Variants in SUGCT observed in about 807,000 individuals in gnomAD.
SUGCT encodes succinyl-CoA:glutarate CoA-transferase.
SUGCT carries 41 observed loss-of-function variants against 55.0 expected under a neutral mutation model. The ratio of observed to expected loss-of-function variants is 0.74; its 90% CI spans 0.58 to 0.97. The LOEUF (loss-of-function observed/expected upper bound fraction) is 0.97. Ranked by LOEUF, SUGCT falls within the 50% of genes least tolerant of loss-of-function variation. The pLI is 0.00. For synonymous variants in SUGCT, 187 were observed against 200.4 expected (o/e 0.93, Z 0.56); for missense variants, 568 against 547.8 (o/e 1.04, Z -0.37).
chr7:40,714,234 G>T (rs1211653099), intron 12 of SUGCT, among the ~76,000 whole-genome samples: 1 of 151,996 alleles, frequency 6.6e-6, no homozygotes, highest in Non-Finnish European at 1.5e-5. Context: ...GGAGGCTGAG[G>T]CAGGAGAATT....
chr7:40,331,760 G>GA (rs2151148332), intron 9 of SUGCT, among the ~76,000 whole-genome samples: 1 of 152,304 alleles, frequency 6.6e-6, no homozygotes, highest in East Asian at 1.9e-4. Context: ...GGTCAGTGGG[G>GA]AGCAGATTGG....
At chr7:40,767,706 C>T (rs1026854924) in intron 13 of SUGCT, among the ~76,000 whole-genome samples, 23 of 152,142 alleles carry the variant, frequency 1.5e-4, no homozygotes, top group African/African-American at 4.6e-4. Context: ...ACACAGAGAT[C>T]GTAGGTTCAA....
chr7:41,035,753 G>C, the SUGCT span, among the ~76,000 whole-genome samples: 4 of 152,168 alleles, frequency 2.6e-5, no homozygotes, highest in Non-Finnish European at 4.4e-5. Context: ...CAAATATCAG[G>C]AGGAGGGCAG....
intron 9 of SUGCT, among the ~76,000 whole-genome samples, chr7:40,387,700 C>A (rs963409039): frequency 6.6e-6 from 1 of 152,070 alleles, no homozygotes; most frequent in Non-Finnish European, 1.5e-5. Context: ...GATAATAATA[C>A]CTACTATGTA....
chr7:40,441,729 A>G lies in SUGCT; in HGVS notation c.817-7558A>G, dbSNP rs574013025. Among the ~76,000 whole-genome samples, 18 of 152,318 alleles carry G rather than the reference A, an allele frequency of 1.2e-4. No individual in the cohort carries two copies. In the South Asian group the frequency reaches 2.5e-3, roughly 21 times the overall value. ...AGAGTTTAATAATCACAGGGCCAGCAAAGTGTGGGAAGTATGGGAGTATGG... is the reference window on the plus strand; with the variant it reads ...AGAGTTTAATAATCACAGGGCCAGCGAAGTGTGGGAAGTATGGGAGTATGG... On this transcript the variant is annotated intron_variant, in intron 9 of 13. Transcript: ENST00000335693.
chr7:40,797,510 T>C (rs893635879), intron 13 of SUGCT, among the ~76,000 whole-genome samples: 3 of 152,200 alleles, frequency 2.0e-5, no homozygotes, highest in Non-Finnish European at 2.9e-5. Context: ...TCTGCTCTTA[T>C]TCCCCACATC....
intron 1 of SUGCT, among the ~76,000 whole-genome samples, chr7:40,159,430 A>G (rs761548386): frequency 5.3e-5 from 8 of 151,482 alleles, no homozygotes; most frequent in Non-Finnish European, 1.2e-4. Context: ...GAGTGCAGTG[A>G]TATGATATCG....
At chr7:40,969,481 C>G in the SUGCT span, among the ~76,000 whole-genome samples, 2 of 152,124 alleles carry the variant, frequency 1.3e-5, no homozygotes, top group African/African-American at 2.4e-5. Context: ...TTGCCTTTGC[C>G]TCCTGAGTAG....
intron 12 of SUGCT, among the ~76,000 whole-genome samples, chr7:40,499,785 T>G (rs1792181899): frequency 6.6e-6 from 1 of 152,188 alleles, no homozygotes; most frequent in African/African-American, 2.4e-5. Context: ...TCCAAGTGCT[T>G]TCTTAAAATA....
At chr7:40,339,009 C>T (rs1199742253) in intron 9 of SUGCT, among the ~76,000 whole-genome samples, 4 of 152,298 alleles carry the variant, frequency 2.6e-5, no homozygotes, top group East Asian at 3.9e-4. Context: ...TGCTAGAGGT[C>T]CACTCCAGAC....
At chr7:40,144,539 G>C (rs190101581) in intron 1 of SUGCT, among the ~76,000 whole-genome samples, 1 of 152,232 alleles carries the variant, frequency 6.6e-6, no homozygotes, top group East Asian at 1.9e-4. Context: ...AGGGTGGCTG[G>C]AGTTTTCCTT....
At chr7:40,999,707 T>C in the SUGCT span, among the ~76,000 whole-genome samples, 1 of 152,152 alleles carries the variant, frequency 6.6e-6, no homozygotes, top group East Asian at 1.9e-4. Context: ...TACCCGAAAC[T>C]TTCCTGGAGA....
chr7:41,011,622 G>A, the SUGCT span, among the ~76,000 whole-genome samples: 1 of 152,268 alleles, frequency 6.6e-6, no homozygotes, highest in Non-Finnish European at 1.5e-5. Flanking sequence ...GAGAAGCACT[G>A]TGTTAGAGTT....
chr7:40,666,444 T>TTTTTTTG (rs1584239846), intron 12 of SUGCT, among the ~76,000 whole-genome samples: 2 of 146,682 alleles, frequency 1.4e-5, no homozygotes. Flanking sequence ...TTTTTTTTTT[T>TTTTTTTG]GGTGGGTGGA....
intron 7 of SUGCT, among the ~76,000 whole-genome samples, chr7:40,240,274 G>A (rs1424937100): frequency 6.6e-6 from 1 of 151,890 alleles, no homozygotes; most frequent in East Asian, 1.9e-4. Context: ...ACCTGAGTTC[G>A]GGAGTTCGAG....
chr7:41,002,198 A>G, the SUGCT span, among the ~76,000 whole-genome samples: 2 of 152,044 alleles, frequency 1.3e-5, no homozygotes, highest in South Asian at 2.1e-4. Flanking sequence ...TTTTTGTATT[A>G]TTAGTACAGA....
chr7:40,695,611 GATC>G lies in SUGCT; in HGVS notation c.1090-53820_1090-53818del, dbSNP rs1419219365. 5.3e-5 allele frequency among the ~76,000 whole-genome samples: 8 copies of G among 152,160 alleles called. No individual in the cohort carries two copies. In the East Asian group the frequency reaches 1.5e-3, roughly 29 times the overall value. ...CAGGATGTGATAACGTAATGGCAAT[GATC>G]ATAACTACAATAGCAAATATTACTG... On this transcript the variant is annotated intron_variant, in intron 12 of 13. Coordinates refer to ENST00000335693, the MANE Select transcript of SUGCT (RefSeq NM_001193313.2).
intron 12 of SUGCT, among the ~76,000 whole-genome samples, chr7:40,559,799 G>A (rs1795744063): frequency 6.6e-6 from 1 of 152,166 alleles, no homozygotes; most frequent in African/African-American, 2.4e-5. Context: ...AAATGCAATA[G>A]CAACAAAAGG....
At chr7:40,310,517 T>C (rs866831528) in intron 8 of SUGCT, among the ~76,000 whole-genome samples, 1 of 152,178 alleles carries the variant, frequency 6.6e-6, no homozygotes, top group African/African-American at 2.4e-5. Flanking sequence ...TGTGTCAACA[T>C]TGGCTCTGTA....
Sources: gnomAD v4.1 joint callset for allele counts (sites outside exome capture counted in the v4.1 genomes callset) on GRCh38, gnomAD v4.1.1 for gene constraint, MANE v1.5 for transcripts, NCBI Gene and HGNC (gene_info 2026-07-23, HGNC 2026-07-21) for gene names.